XKR7: variants seen among roughly 807,000 people sequenced by gnomAD.
XKR7 encodes the protein XK-related protein 7.
Under a neutral mutation model 42.2 loss-of-function variants are expected in XKR7, and 11 were observed. The observed-to-expected ratio is 0.26, with a 90% CI of 0.16 to 0.43. The LOEUF is 0.43. Among genes scored for constraint, XKR7 ranks in the 20% least tolerant of loss-of-function variants. The probability of loss-of-function intolerance (pLI) is 1.00; values close to 1 mark genes in which losing one functional copy is unlikely to be tolerated. For synonymous variants in XKR7, 346 were observed against 366.4 expected, an observed-to-expected ratio of 0.94 and a Z score of 0.64; for missense variants, 710 against 802.2, an observed-to-expected ratio of 0.89 and a Z score of 1.39.
rs1157237353 is a variant in XKR7, at chr20:31,986,011, C to CACAG, written c.585-9038_585-9035dup. On this transcript the variant is annotated intron_variant, in intron 1 of 2. Coordinates refer to ENST00000562532, the MANE Select transcript of XKR7 (RefSeq NM_001011718.2). ...TACCAAGCAGACCCAGCATCCAAGA[C>CACAG]ACAGACAGACAGACAGACAGACTAC... Among the ~76,000 whole-genome samples, 27 of 138,250 alleles carry CACAG rather than the reference C, an allele frequency of 2.0e-4. 1 individual carries two copies. The highest frequency in any genetic ancestry group is 5.8e-4 in the African/African-American group (21 of 36,426). The allele number at this position is 138,250 out of a possible 152,430, so 90.7% of individuals were successfully genotyped here.
chr20:31,981,516 AC>A lies in XKR7; in HGVS notation c.584+12761del, dbSNP rs2064512934. ...AGATCAGCCTGGCCAACATGGCAAA[AC>A]CCCGTCTCTACTAAAAATACAAAAA... On this transcript the variant is annotated intron_variant, in intron 1 of 2. Coordinates refer to ENST00000562532, the MANE Select transcript of XKR7 (RefSeq NM_001011718.2). Among the ~76,000 whole-genome samples the A allele has an allele frequency of 2.0e-5, 3 of 152,094 alleles. No homozygotes were observed. In the South Asian group the frequency reaches 6.2e-4, roughly 32 times the overall value.
chr20:31,970,899 A>G (rs2064462300), intron 1 of XKR7: 1 of 152,202 alleles, frequency 6.6e-6, no homozygotes, highest in South Asian at 2.1e-4. Flanking sequence ...GGTTAGCATT[A>G]TAATTTCTAC....
intron 1 of XKR7, among the ~76,000 whole-genome samples, chr20:31,975,449 C>T (rs1441156429): frequency 6.6e-6 from 1 of 152,126 alleles, no homozygotes; most frequent in African/African-American, 2.4e-5. Flanking sequence ...CCAGTCTCCT[C>T]CCAGTGAAAT....
intron 1 of XKR7, among the ~76,000 whole-genome samples, chr20:31,971,054 T>C (rs1459026092): frequency 6.6e-6 from 1 of 152,204 alleles, no homozygotes; most frequent in Admixed American, 6.5e-5. Flanking sequence ...GCCACTAAAG[T>C]GTCCCTCAAG....
At chr20:31,977,206 T>G (rs2064489392) in intron 1 of XKR7, among the ~76,000 whole-genome samples, 1 of 152,218 alleles carries the variant, frequency 6.6e-6, no homozygotes, top group Non-Finnish European at 1.5e-5. Flanking sequence ...ATGGAGGAAG[T>G]CAAGTTCCTT....
chr20:31,973,866 G>A (rs977498045), intron 1 of XKR7, among the ~76,000 whole-genome samples: 1 of 152,152 alleles, frequency 6.6e-6, no homozygotes, highest in Non-Finnish European at 1.5e-5. Context: ...CTTGACTTGT[G>A]TTTTGCAATG....
intron 1 of XKR7, among the ~76,000 whole-genome samples, chr20:31,969,717 C>T (rs1041307837): frequency 3.3e-5 from 5 of 152,234 alleles, no homozygotes; most frequent in Non-Finnish European, 7.3e-5. Context: ...AGAATCCCTA[C>T]TCCTCTTATC....
chr20:31,986,029 CAGA>C (rs2064537877), intron 1 of XKR7, among the ~76,000 whole-genome samples: 1 of 150,816 alleles, frequency 6.6e-6, no homozygotes. Context: ...GACAGACAGA[CAGA>C]CTACCAAGCA....
chr20:31,995,919 C>T lies in XKR7; in HGVS notation c.788-586C>T, dbSNP rs991031594. Among the ~76,000 whole-genome samples, 1 of 152,060 alleles carries T rather than the reference C, an allele frequency of 6.6e-6. No individual in the cohort carries two copies. The highest frequency in any genetic ancestry group is 2.4e-5 in the African/African-American group (1 of 41,394). On this transcript the variant is annotated intron_variant, in intron 2 of 2. Transcript: ENST00000562532. This position sits in a 1 kb window ranked among gnomAD's most constrained non-coding sequence, Gnocchi z 4.1. The stretch of plus-strand genomic sequence containing the variant: ...CAACCTAGTCCCTGCCCAACCCATC[C>T]TCAGTGTCCCAAAAGACTATCACCA...
intron 1 of XKR7, among the ~76,000 whole-genome samples, chr20:31,989,893 A>G (rs977590093): frequency 6.6e-6 from 1 of 152,148 alleles, no homozygotes; most frequent in South Asian, 2.1e-4. Flanking sequence ...GATTCCAGGC[A>G]TGAGCCGCCA....
At chr20:31,993,596 T>C (rs1464002882) in intron 1 of XKR7, among the ~76,000 whole-genome samples, 1 of 152,026 alleles carries the variant, frequency 6.6e-6, no homozygotes, top group African/African-American at 2.4e-5. Context: ...ATTCAGCCCA[T>C]ATAGATTAAG....
In XKR7 at chr20:31,999,075, A is replaced by G. The variant is rs2064611741; in HGVS notation, c.*1618A>G. ...ACACTCCCACAGCAACTTAGGTGTG[A>G]TTGGTGGGAGAGGACAGCAGCGGAT... On this transcript the variant is annotated 3_prime_UTR_variant, in exon 3 of 3. Coordinates refer to ENST00000562532, the MANE Select transcript of XKR7 (RefSeq NM_001011718.2). 1 of 134,640 alleles carries G rather than the reference A, an allele frequency of 7.4e-6. No homozygotes were observed. The highest frequency in any genetic ancestry group is 7.9e-5 in the Admixed American group (1 of 12,670). The allele number at this position is 134,640 out of a possible 1,614,324, so 8.3% of individuals were successfully genotyped here.
At chr20:31,981,340 C>T (rs1023960406) in intron 1 of XKR7, among the ~76,000 whole-genome samples, 1 of 152,080 alleles carries the variant, frequency 6.6e-6, no homozygotes, top group Non-Finnish European at 1.5e-5. Context: ...GGCGCCACTG[C>T]ACTCCAGCTT....
intron 1 of XKR7, among the ~76,000 whole-genome samples, chr20:31,972,004 C>G (rs1422324364): frequency 6.6e-6 from 1 of 152,208 alleles, no homozygotes; most frequent in Non-Finnish European, 1.5e-5. Context: ...ATAGTGTCAA[C>G]CAAAGGAAAC....
At chr20:31,974,326 G>A (rs1816485685) in intron 1 of XKR7, among the ~76,000 whole-genome samples, 1 of 152,188 alleles carries the variant, frequency 6.6e-6, no homozygotes, top group South Asian at 2.1e-4. Context: ...CAACAGGGAT[G>A]GGGGTCTGCT....
At position 31,978,834 on chromosome 20, in the gene XKR7, T is replaced by G. The variant is rs546609433; in HGVS notation, c.584+10075T>G. On this transcript the variant is annotated intron_variant, in intron 1 of 2. Transcript: ENST00000562532. ...TTCAAACATCTCTAAAAAGATAGAC[T>G]TCAAAAACATCGCTAAGTTGCTGGG... Among the ~76,000 whole-genome samples the G allele has an allele frequency of 2.0e-5, 3 of 152,282 alleles. No homozygotes were observed. In the East Asian group the frequency reaches 5.8e-4, roughly 29 times the overall value.
Position 31,995,005 on chromosome 20 carries a change from G to A in XKR7, c.585-63G>A. On this transcript the variant is annotated intron_variant, in intron 1 of 2. Coordinates refer to ENST00000562532, the MANE Select transcript of XKR7 (RefSeq NM_001011718.2). The surrounding 1 kb of genome is among the most constrained non-coding windows in gnomAD (Gnocchi z 4.1). ...CCCCTGCGCCTGTGGGCGGCTCGGG[G>A]CTGGTGCGACAGAGCGAGAGGAACC... 6.5e-7 allele frequency: 1 copy of A among 1,532,874 alleles called. No homozygotes were observed. The highest frequency in any genetic ancestry group is 8.7e-7 in the Non-Finnish European group (1 of 1,144,178). 95.0% of individuals were successfully genotyped at this position (1,532,874 alleles called of 1,614,324 possible). A position where few individuals can be genotyped will look rare whatever the true frequency, so the allele number is the denominator to read the frequency against.
In XKR7 at chr20:31,995,194, C is replaced by G. The variant is rs1199094396; in HGVS notation, c.711C>G (p.Phe237Leu). 4.5e-6 allele frequency: 7 copies of G among 1,548,026 alleles called. No homozygotes were observed. The South Asian group carries it at 7.1e-5, about 16-fold the overall frequency. ...DVSMLRLLET[F>L]LRSAPQLVLQ... ...GCATGCTGCGCTTGCTGGAGACCTT[C>G]CTGCGCAGCGCGCCGCAGCTAGTGC... The change falls in exon 2 of 3, where the codon TTC becomes TTG. Residue 237 changes from phenylalanine to leucine, a missense_variant. Transcript: ENST00000562532. The surrounding 1 kb of genome is among the most constrained non-coding windows in gnomAD (Gnocchi z 4.1).
chr20:31,973,937 G>C (rs1301156776), intron 1 of XKR7, among the ~76,000 whole-genome samples: 3 of 152,180 alleles, frequency 2.0e-5, no homozygotes, highest in Non-Finnish European at 2.9e-5. Context: ...GCTCACGCTT[G>C]TAATCCCAGC....
Sources: gnomAD v4.1 joint callset for allele counts (sites outside exome capture counted in the v4.1 genomes callset) on GRCh38, gnomAD v4.1.1 for gene constraint, Gnocchi (gnomAD v3.1) non-coding constraint, MANE v1.5 for transcripts, NCBI Gene and HGNC (gene_info 2026-07-23, HGNC 2026-07-21) for gene names.